The following PDIA3 variants were observed in gnomAD, a reference collection of about 807,000 sequenced individuals.
The protein encoded by PDIA3 is protein disulfide-isomerase A3.
Under a neutral mutation model 56.9 loss-of-function variants are expected in PDIA3, and 16 were observed. The ratio of observed to expected loss-of-function variants is 0.28; its 90% CI spans 0.19 to 0.43. PDIA3 has a LOEUF of 0.43. PDIA3 is among the 20% of genes least tolerant of loss of function. The pLI is 1.00. For missense variants in PDIA3, 485 were observed against 621.3 expected (o/e 0.78, Z 2.33); for synonymous variants, 192 against 216.5 (o/e 0.89, Z 0.99).
intron 1 of PDIA3, chr15:43,751,596 TG>T: frequency 7.7e-7 from 1 of 1,304,106 alleles, no homozygotes; most frequent in Non-Finnish European, 1.0e-6. Context: ...CCATTCCTGC[TG>T]GATTTGAAGA....
chr15:43,749,528 G>A (rs1301739626), intron 1 of PDIA3, among the ~76,000 whole-genome samples: 1 of 152,134 alleles, frequency 6.6e-6, no homozygotes, highest in Non-Finnish European at 1.5e-5. Flanking sequence ...GCCCTGTTGT[G>A]CATTCCTGTA....
intron 1 of PDIA3, 154 bp downstream of exon 1, chr15:43,746,860 G>C (rs939681733): frequency 8.6e-5 from 73 of 844,952 alleles, no homozygotes; most frequent in Admixed American, 1.0e-4. Flanking sequence ...AGCTGGAGGC[G>C]CCTCGCCGAG....
chr15:43,746,443 C>A lies in PDIA3; in HGVS notation c.-97C>A. 1 of 1,245,198 alleles carries A rather than the reference C, an allele frequency of 8.0e-7. No individual in the cohort carries two copies. Among genetic ancestry groups the A allele is most frequent in the Non-Finnish European group, 1.1e-6 (1 of 942,996 alleles). 77.1% of individuals were successfully genotyped at this position (1,245,198 alleles called of 1,614,324 possible). ...GCTGCAGGTCCGCCTGGGCCAGACG[C>A]GCGAGCGCAAGCAGCGGGTTAGTGG... On this transcript the variant is annotated 5_prime_UTR_variant, in exon 1 of 13. Transcript: ENST00000300289.
intron 7 of PDIA3, among the ~76,000 whole-genome samples, chr15:43,766,415 C>T (rs1056685007): frequency 1.3e-5 from 2 of 152,204 alleles, no homozygotes; most frequent in African/African-American, 4.8e-5. Context: ...CCTCTCAGTG[C>T]ATTTTACCCT....
chr15:43,770,268 A>G lies in PDIA3; in HGVS notation c.1285A>G (p.Ile429Val). The G allele has an allele frequency of 6.2e-7, 1 of 1,614,076 alleles. No homozygotes were observed. The highest frequency in any genetic ancestry group is 1.3e-5 in the African/African-American group (1 of 75,064). ...TTAACAGCTCAGCAAAGACCCAAATATCGTCATAGCCAAGATGGATGCCAC... is the reference window on the plus strand; with the variant it reads ...TTAACAGCTCAGCAAAGACCCAAATGTCGTCATAGCCAAGATGGATGCCAC... ...LGEKLSKDPN[I>V]VIAKMDATAN... Residue 429 changes from isoleucine to valine, a missense_variant, in exon 11 of 13, where the codon ATC (isoleucine) becomes GTC (valine). Transcript: ENST00000300289.
intron 3 of PDIA3, among the ~76,000 whole-genome samples, chr15:43,759,374 A>T (rs1384018468): frequency 6.6e-6 from 1 of 152,156 alleles, no homozygotes; most frequent in Non-Finnish European, 1.5e-5. Context: ...TTTAGTTCTC[A>T]CTTAATGTTG....
Position 43,770,507 on chromosome 15 carries a change from A to G in PDIA3, c.1347-16A>G, listed in dbSNP as rs780691216. 5 of 1,600,256 alleles carry G rather than the reference A, an allele frequency of 3.1e-6. No homozygotes were observed. The highest frequency in any genetic ancestry group is 1.3e-5 in the African/African-American group (1 of 74,746). On this transcript the variant is annotated splice_polypyrimidine_tract_variant and intron_variant, in intron 11 of 12. Coordinates refer to ENST00000300289, the MANE Select transcript of PDIA3 (RefSeq NM_005313.5). The stretch of plus-strand genomic sequence containing the variant: ...CCACATAACTGCTTGAAATTAATAA[A>G]TGTTTCTTTCCCCAGTTTTCCTACC...
chr15:43,766,654 C>A, intron 7 of PDIA3, 74 bp from the exon 8 acceptor site: 5 of 1,168,566 alleles, frequency 4.3e-6, no homozygotes, highest in South Asian at 1.4e-5. Flanking sequence ...GCTTTCCAAT[C>A]ACTTGCTTCT....
At chr15:43,768,267 A>G (rs1193990695) in intron 8 of PDIA3, among the ~76,000 whole-genome samples, 4 of 152,306 alleles carry the variant, frequency 2.6e-5, no homozygotes, top group South Asian at 2.1e-4. Context: ...CAGAAGACCA[A>G]TGATTCTCCT....
rs780117123 is a variant in PDIA3, at chr15:43,771,133, G to A, written c.1433G>A (p.Ser478Asn). 6.2e-7 allele frequency: 1 copy of A among 1,612,880 alleles called. No individual in the cohort carries two copies. ...EGGRELSDFISYLQREATNPP... is the reference protein window; with the variant it reads ...EGGRELSDFINYLQREATNPP... The stretch of plus-strand genomic sequence containing the variant: ...GGCCGTGAATTAAGTGATTTTATTA[G>A]CTATCTACAAAGAGAAGCTACAAAC... The change falls in exon 13 of 13, where the codon AGC becomes AAC. Residue 478 changes from serine (S) to asparagine (N), a missense_variant. Physicochemically the swap from Ser to Asn is conservative, Grantham distance 46. Coordinates refer to ENST00000300289, the MANE Select transcript of PDIA3 (RefSeq NM_005313.5).
chr15:43,766,130 G>T, intron 7 of PDIA3, 118 bp downstream of exon 7: 68 of 471,766 alleles, frequency 1.4e-4, no homozygotes, highest in Non-Finnish European at 1.6e-4. Context: ...TCCTTAAGAA[G>T]AGGTAAAAAA....
intron 2 of PDIA3, among the ~76,000 whole-genome samples, chr15:43,756,374 C>T (rs552989313): frequency 6.6e-6 from 1 of 152,276 alleles, no homozygotes; most frequent in South Asian, 2.1e-4. Flanking sequence ...TGAAGACCAC[C>T]GCTTTAGCTA....
intron 5 of PDIA3, among the ~76,000 whole-genome samples, chr15:43,763,901 TTGAGATG>T (rs1257710953): frequency 6.6e-6 from 1 of 152,094 alleles, no homozygotes; most frequent in Admixed American, 6.6e-5. Flanking sequence ...AGTGAAGGCC[TTGAGATG>T]TAAGATAGCC....
chr15:43,773,036 A>G lies in PDIA3; in HGVS notation c.*1818A>G. 1 of 1,283,378 alleles carries G rather than the reference A, an allele frequency of 7.8e-7. No homozygotes were observed. Among genetic ancestry groups the G allele is most frequent in the East Asian group, 2.3e-5 (1 of 43,106 alleles). 79.5% of individuals were successfully genotyped at this position (1,283,378 alleles called of 1,614,324 possible). On this transcript the variant is annotated 3_prime_UTR_variant, in exon 13 of 13. Transcript: ENST00000300289. ...AGTGGTCAGCATAAGAAAAGCAGATAGTTGCATTCTATTTAGTTTATAGCT... is the reference window on the plus strand; with the variant it reads ...AGTGGTCAGCATAAGAAAAGCAGATGGTTGCATTCTATTTAGTTTATAGCT...
intron 1 of PDIA3, 43 bp from the exon 2 acceptor site, chr15:43,753,781 A>G (rs574184417): frequency 2.3e-6 from 3 of 1,313,628 alleles, no homozygotes; most frequent in South Asian, 2.4e-5. Flanking sequence ...TAACAAATTC[A>G]TAGGACTAAA....
chr15:43,765,655 TAAAC>T (rs1023815191), intron 6 of PDIA3, 89 bp downstream of exon 6: 1 of 953,322 alleles, frequency 1.0e-6, no homozygotes, highest in Non-Finnish European at 1.7e-6. Context: ...TATTTTGGCG[TAAAC>T]AGTCTATTTG....
intron 2 of PDIA3, among the ~76,000 whole-genome samples, chr15:43,754,177 C>T (rs752372937): frequency 3.9e-5 from 6 of 152,038 alleles, no homozygotes; most frequent in East Asian, 1.9e-4. Flanking sequence ...GGGTGGATCA[C>T]GAAGTCAAGA....
intron 1 of PDIA3, among the ~76,000 whole-genome samples, chr15:43,750,711 C>T (rs1596017938): frequency 6.7e-6 from 1 of 150,250 alleles, no homozygotes; most frequent in Admixed American, 6.6e-5. Flanking sequence ...GGAGGTGGAG[C>T]TTGCAGTAAG....
chr15:43,751,482 T>TAG, intron 1 of PDIA3: 1 of 674,824 alleles, frequency 1.5e-6, no homozygotes. Flanking sequence ...TAGATAGAAT[T>TAG]AATTGTGTTT....
Sources: gnomAD v4.1 joint callset for allele counts (sites outside exome capture counted in the v4.1 genomes callset) on GRCh38, gnomAD v4.1.1 for gene constraint, MANE v1.5 for transcripts, NCBI Gene and HGNC (gene_info 2026-07-23, HGNC 2026-07-21) for gene names.